The following AKAP13 variants were observed in gnomAD, a reference collection of about 807,000 sequenced individuals.
AKAP13 encodes the protein A-kinase anchor protein 13.
Under a neutral mutation model 264.5 loss-of-function variants are expected in AKAP13, and 80 were observed. That is an observed-to-expected ratio of 0.30 (90% confidence interval 0.25 to 0.36). The LOEUF is 0.36. Among genes scored for constraint, AKAP13 ranks in the 10% least tolerant of loss-of-function variants. The pLI, the probability that AKAP13 is intolerant of heterozygous loss-of-function variation, is 1.00. For missense variants in AKAP13, 3,712 were observed against 3,435.2 expected (o/e 1.08, Z -2.01); for synonymous variants, 1,380 against 1,250.2 (o/e 1.10, Z -2.19).
intron 1 of AKAP13, among the ~76,000 whole-genome samples, chr15:85,478,973 T>C (rs989395281): frequency 3.9e-5 from 6 of 152,228 alleles, no homozygotes; most frequent in African/African-American, 1.4e-4. Context: ...CTGATGTTCA[T>C]GTGTACTAAG....
chr15:85,427,549 T>G (rs200440244), intron 1 of AKAP13, among the ~76,000 whole-genome samples: 4 of 152,162 alleles, frequency 2.6e-5, no homozygotes, highest in Non-Finnish European at 4.4e-5. Flanking sequence ...AGTAAAACAT[T>G]AACCATGTAT....
intron 33 of AKAP13, among the ~76,000 whole-genome samples, chr15:85,737,129 G>A (rs534678722): frequency 3.3e-5 from 5 of 151,838 alleles, no homozygotes; most frequent in South Asian, 2.1e-4. Flanking sequence ...CATGTTGTCC[G>A]GGCTGATCTT....
At chr15:85,415,890 A>G (rs1225951469) in intron 1 of AKAP13, among the ~76,000 whole-genome samples, 1 of 152,210 alleles carries the variant, frequency 6.6e-6, no homozygotes, top group Non-Finnish European at 1.5e-5. Context: ...TTAAAAAATA[A>G]TGGGAGGTTT....
At chr15:85,457,301 G>A (rs1411798176) in intron 1 of AKAP13, among the ~76,000 whole-genome samples, 1 of 152,138 alleles carries the variant, frequency 6.6e-6, no homozygotes, top group Non-Finnish European at 1.5e-5. Flanking sequence ...AGCTTCTTTG[G>A]AAGATAAGAA....
chr15:85,482,595 T>C (rs1165189126), intron 1 of AKAP13, among the ~76,000 whole-genome samples: 1 of 152,140 alleles, frequency 6.6e-6, no homozygotes, highest in Non-Finnish European at 1.5e-5. Flanking sequence ...CCTCTTACGA[T>C]GTGGGGGGAA....
chr15:85,522,869 G>A (rs12898783), intron 3 of AKAP13, among the ~76,000 whole-genome samples: 1 of 147,092 alleles, frequency 6.8e-6, no homozygotes, highest in South Asian at 2.2e-4. Context: ...CCACATTTCA[G>A]TATTTTTCCA....
chr15:85,720,921 C>G (rs2087245020), intron 23 of AKAP13, among the ~76,000 whole-genome samples: 1 of 152,200 alleles, frequency 6.6e-6, no homozygotes, highest in South Asian at 2.1e-4. Context: ...GAAATAAATG[C>G]AAATGCAGTG....
intron 8 of AKAP13, among the ~76,000 whole-genome samples, chr15:85,607,948 A>C (rs2080428043): frequency 6.6e-6 from 1 of 152,230 alleles, no homozygotes; most frequent in South Asian, 2.1e-4. Flanking sequence ...TTTCATGAAG[A>C]ACTTCTTTCT....
At chr15:85,663,639 C>T (rs2083458618) in intron 12 of AKAP13, among the ~76,000 whole-genome samples, 1 of 152,142 alleles carries the variant, frequency 6.6e-6, no homozygotes, top group South Asian at 2.1e-4. Flanking sequence ...TAGCGGAGAA[C>T]ATGGTCAGCT....
At position 85,730,678 on chromosome 15, in the gene AKAP13, G is replaced by C. The variant is rs1462346237; in HGVS notation, c.7253G>C (p.Gly2418Ala). 6.2e-7 allele frequency: 1 copy of C among 1,613,562 alleles called. No individual in the cohort carries two copies. The highest frequency in any genetic ancestry group is 8.5e-7 in the Non-Finnish European group (1 of 1,179,824). ...RSNTEEALKG[G>A]PLMKSAINEV... Reference sequence around the variant, plus strand: ...AACACAGAAGAGGCTCTCAAAGGAGGACCTTTAATGAAAAGTGCAATAAAT... The same window carrying C: ...AACACAGAAGAGGCTCTCAAAGGAGCACCTTTAATGAAAAGTGCAATAAAT... Residue 2418 changes from glycine (G) to alanine (A), a missense_variant, in exon 30 of 37, where the codon GGA becomes GCA. Physicochemically the swap from Gly to Ala is moderately conservative, Grantham distance 60 (BLOSUM62 0). Coordinates refer to ENST00000394518, the MANE Select transcript of AKAP13 (RefSeq NM_007200.5).
intron 8 of AKAP13, among the ~76,000 whole-genome samples, chr15:85,606,798 G>T (rs1172898110): frequency 6.6e-6 from 1 of 152,208 alleles, no homozygotes; most frequent in Non-Finnish European, 1.5e-5. Context: ...TGTGACTGAA[G>T]TAGAAGAATC....
intron 5 of AKAP13, among the ~76,000 whole-genome samples, chr15:85,560,310 C>G (rs562420948): frequency 6.6e-6 from 1 of 152,106 alleles, no homozygotes; most frequent in South Asian, 2.1e-4. Flanking sequence ...CCAGGCCGGG[C>G]TAATTTTTTT....
At chr15:85,570,672 C>G (rs1448177284) in intron 5 of AKAP13, among the ~76,000 whole-genome samples, 1 of 152,154 alleles carries the variant, frequency 6.6e-6, no homozygotes, top group East Asian at 1.9e-4. Flanking sequence ...TTGTAGGATC[C>G]CCTCCTACTC....
At position 85,664,555 on chromosome 15, in the gene AKAP13, A is replaced by G; in HGVS notation, c.4800-8A>G. On this transcript the variant is annotated splice_region_variant and splice_polypyrimidine_tract_variant and intron_variant, in intron 12 of 36. Transcript: ENST00000394518. ...TAGAATGAATTAACTTTTGTGCCCT[A>G]TGTTCAGTTTCAGTCTAGAAGGCTT... The G allele has an allele frequency of 3.1e-6, 5 of 1,597,762 alleles. No homozygotes were observed. The highest frequency in any genetic ancestry group is 1.1e-5 in the South Asian group (1 of 88,614).
chr15:85,737,827 T>C (rs892200533), intron 33 of AKAP13, among the ~76,000 whole-genome samples: 1 of 151,920 alleles, frequency 6.6e-6, no homozygotes, highest in Non-Finnish European at 1.5e-5. Flanking sequence ...TTAGTAGAGA[T>C]GGGGTTTCAC....
At chr15:85,710,726 A>G (rs543391882) in intron 19 of AKAP13, 81 bp downstream of exon 19, 9 of 1,475,534 alleles carry the variant, frequency 6.1e-6, no homozygotes, top group African/African-American at 4.2e-5. Context: ...ATATTCAGTT[A>G]TTATTCATAG....
rs369239298 is a variant in AKAP13 at position 85,637,968 on chromosome 15, C to T, written c.4162-1406C>T. ...TTCACTCACTGCAAGCTTTGCCTCCCGGGTTCATGCCGTTCTGCCTCAGCC... is the reference window on the plus strand; with the variant it reads ...TTCACTCACTGCAAGCTTTGCCTCCTGGGTTCATGCCGTTCTGCCTCAGCC... On this transcript the variant is annotated intron_variant, in intron 8 of 36. Coordinates refer to ENST00000394518, the MANE Select transcript of AKAP13 (RefSeq NM_007200.5). 4.7e-5 allele frequency among the ~76,000 whole-genome samples: 7 copies of T among 148,590 alleles called. No individual in the cohort carries two copies. In the South Asian group the frequency reaches 6.4e-4, roughly 14 times the overall value.
intron 1 of AKAP13, among the ~76,000 whole-genome samples, chr15:85,482,995 G>A (rs1224007067): frequency 1.3e-5 from 2 of 152,168 alleles, no homozygotes; most frequent in Non-Finnish European, 2.9e-5. Flanking sequence ...TTTAATCCTT[G>A]TATCAGAACA....
intron 1 of AKAP13, among the ~76,000 whole-genome samples, chr15:85,473,501 A>G (rs987571537): frequency 6.6e-6 from 1 of 152,270 alleles, no homozygotes; most frequent in Non-Finnish European, 1.5e-5. Flanking sequence ...GATTCTCCAC[A>G]TAAGTTAAAT....
Sources: allele counts gnomAD v4.1 joint callset (sites outside exome capture counted in the v4.1 genomes callset), GRCh38; gene constraint gnomAD v4.1.1; transcripts MANE v1.5; gene names NCBI Gene and HGNC (gene_info 2026-07-23, HGNC 2026-07-21).